TMEM108: variants seen among roughly 807,000 people sequenced by gnomAD.
TMEM108 encodes cancer/testis antigen 124.
TMEM108 carries 12 observed loss-of-function variants against 35.1 expected under a neutral mutation model. That is an observed-to-expected ratio of 0.34 (90% confidence interval 0.22 to 0.55). The LOEUF (loss-of-function observed/expected upper bound fraction) is 0.55. Among genes scored for constraint, TMEM108 ranks in the 20% least tolerant of loss-of-function variants. TMEM108 has a pLI of 0.89. For missense variants in TMEM108, 680 were observed against 753.3 expected (o/e 0.90, Z 1.14); for synonymous variants, 287 against 308.6 (o/e 0.93, Z 0.73).
chr3:133,152,434 C>G (rs1944815833), intron 2 of TMEM108, among the ~76,000 whole-genome samples: 1 of 152,172 alleles, frequency 6.6e-6, no homozygotes, highest in African/African-American at 2.4e-5. Flanking sequence ...AGATGGCACA[C>G]TGCTCTCTGT....
intron 3 of TMEM108, among the ~76,000 whole-genome samples, chr3:133,272,757 A>G (rs760620838): frequency 1.7e-4 from 26 of 152,150 alleles, no homozygotes; most frequent in Admixed American, 2.0e-4. Flanking sequence ...GAAGAAAGAG[A>G]AGATGGGGAA....
rs2072986721 is a variant in TMEM108 at position 133,380,729 on chromosome 3, C to A, written c.1018C>A (p.Pro340Thr). The part of the protein sequence containing the change: ...SHSDSWLTVT[P>T]GTSRPLSTSS... ...TAGTGACTCTTGGCTTACTGTTACC[C>A]CTGGCACCAGCAGACCTCTGTCTAC... Residue 340 changes from proline (P) to threonine (T), a missense_variant, in exon 4 of 6, where the codon CCT becomes ACT. Pro to Thr is a conservative substitution (Grantham distance 38). This residue lies in a region of TMEM108 where 526 missense variants were observed against 532.1 expected (regional missense o/e 0.99). Transcript: ENST00000321871. The surrounding 1 kb of genome is among the most constrained non-coding windows in gnomAD (Gnocchi z 5.3). 1 of 1,614,096 alleles carries A rather than the reference C, an allele frequency of 6.2e-7. No individual in the cohort carries two copies. Among genetic ancestry groups the A allele is most frequent in the Non-Finnish European group, 8.5e-7 (1 of 1,180,014 alleles).
At chr3:133,109,106 A>G (rs1944195195) in intron 2 of TMEM108, among the ~76,000 whole-genome samples, 1 of 152,018 alleles carries the variant, frequency 6.6e-6, no homozygotes, top group Non-Finnish European at 1.5e-5. Flanking sequence ...TCATTGGTAG[A>G]ATGATACGGT....
At chr3:133,282,272 T>C (rs1946925748) in intron 3 of TMEM108, among the ~76,000 whole-genome samples, 1 of 152,256 alleles carries the variant, frequency 6.6e-6, no homozygotes, top group African/African-American at 2.4e-5. Flanking sequence ...AAACGTACTT[T>C]TGCTGCTTTT....
intron 2 of TMEM108, among the ~76,000 whole-genome samples, chr3:133,096,301 G>T (rs1944013989): frequency 6.6e-6 from 1 of 152,138 alleles, no homozygotes; most frequent in African/African-American, 2.4e-5. Context: ...TAGGACTACA[G>T]GCATGCACGA....
At chr3:133,143,758 G>A (rs142575348) in intron 2 of TMEM108, among the ~76,000 whole-genome samples, 40 of 152,048 alleles carry the variant, frequency 2.6e-4, no homozygotes, top group Non-Finnish European at 4.7e-4. Context: ...GGTTTCCTTC[G>A]TACACAAAGA....
intron 3 of TMEM108, among the ~76,000 whole-genome samples, chr3:133,314,071 C>G (rs983372905): frequency 1.3e-5 from 2 of 152,066 alleles, no homozygotes; most frequent in African/African-American, 4.8e-5. Context: ...TGATTTGATT[C>G]CTGCCATGCT....
chr3:133,065,826 C>A lies in TMEM108; in HGVS notation c.-47+19806C>A, dbSNP rs545036649. Reference sequence around the variant, plus strand: ...TTTCAAGGCTTAAAATGGGTGGGACCGCACATCTGAATTTTTCAGTATAAT... The same window carrying A: ...TTTCAAGGCTTAAAATGGGTGGGACAGCACATCTGAATTTTTCAGTATAAT... On this transcript the variant is annotated intron_variant, in intron 2 of 5. Coordinates refer to ENST00000321871, the MANE Select transcript of TMEM108 (RefSeq NM_023943.4). Among the ~76,000 whole-genome samples the A allele has an allele frequency of 2.0e-5, 3 of 152,210 alleles. No individual in the cohort carries two copies. The East Asian group carries it at 5.8e-4, about 29-fold the overall frequency.
chr3:133,081,489 A>G (rs760105942), intron 2 of TMEM108, among the ~76,000 whole-genome samples: 1 of 152,224 alleles, frequency 6.6e-6, no homozygotes, highest in Admixed American at 6.5e-5. Flanking sequence ...GGGCTTCAAC[A>G]TATGAATTTG....
chr3:133,077,562 G>A (rs6780322), intron 2 of TMEM108, among the ~76,000 whole-genome samples: 74,006 of 151,984 alleles, frequency 0.49, 18,612 homozygotes, highest in African/African-American at 0.61. Flanking sequence ...TCCTGAGCAA[G>A]AACAAAGGCT....
chr3:133,267,673 T>C (rs1170946963), intron 3 of TMEM108, among the ~76,000 whole-genome samples: 1 of 147,304 alleles, frequency 6.8e-6, no homozygotes, highest in Non-Finnish European at 1.5e-5. Flanking sequence ...ATGGTTGTGG[T>C]CAAGGGGTCA....
chr3:133,283,697 A>G (rs915519488), intron 3 of TMEM108, among the ~76,000 whole-genome samples: 4 of 152,226 alleles, frequency 2.6e-5, no homozygotes, highest in East Asian at 3.8e-4. Context: ...ACCTTCAGCA[A>G]TTATAGTACT....
At chr3:133,144,507 C>T (rs527310434) in intron 2 of TMEM108, among the ~76,000 whole-genome samples, 1 of 152,278 alleles carries the variant, frequency 6.6e-6, no homozygotes, top group African/African-American at 2.4e-5. Flanking sequence ...ATTACTGGGT[C>T]AAGTGGTATT....
chr3:133,317,191 A>G (rs1559902668), intron 3 of TMEM108, among the ~76,000 whole-genome samples: 3 of 152,178 alleles, frequency 2.0e-5, no homozygotes, highest in Non-Finnish European at 4.4e-5. Flanking sequence ...ATCTAATTCA[A>G]TGATACGGAC....
At chr3:133,295,754 A>G (rs1166629176) in intron 3 of TMEM108, among the ~76,000 whole-genome samples, 3 of 152,206 alleles carry the variant, frequency 2.0e-5, no homozygotes, top group African/African-American at 4.8e-5. Context: ...ACTTGGTTAC[A>G]TTACTTTGCC....
chr3:133,381,500 G>T (rs2073012252), intron 4 of TMEM108, among the ~76,000 whole-genome samples: 1 of 152,190 alleles, frequency 6.6e-6, no homozygotes, highest in African/African-American at 2.4e-5. Flanking sequence ...AGGCAGGGCT[G>T]GGCTGAGAGC....
At chr3:133,174,704 A>G (rs1006533466) in intron 2 of TMEM108, among the ~76,000 whole-genome samples, 3 of 152,214 alleles carry the variant, frequency 2.0e-5, no homozygotes, top group Admixed American at 2.0e-4. Context: ...GACCAAAGGT[A>G]GATAAAACCA....
chr3:133,265,034 A>G (rs559459625), intron 3 of TMEM108, among the ~76,000 whole-genome samples: 5 of 152,208 alleles, frequency 3.3e-5, no homozygotes, highest in Admixed American at 1.3e-4. Flanking sequence ...AGCACTCACC[A>G]CAGTCATCTC....
chr3:133,386,414 C>T lies in TMEM108; in HGVS notation c.1451-3766C>T, dbSNP rs568099588. ...CCTGCAGGGTTTCATTTCCATTTCTCATCACACAGCAGATCCTATCACCTG... is the reference window on the plus strand; with the variant it reads ...CCTGCAGGGTTTCATTTCCATTTCTTATCACACAGCAGATCCTATCACCTG... On this transcript the variant is annotated intron_variant, in intron 4 of 5. Transcript: ENST00000321871. 2.7e-5 allele frequency: 42 copies of T among 1,536,144 alleles called. No homozygotes were observed. In the East Asian group the frequency reaches 9.5e-4, roughly 35 times the overall value.
Sources: gnomAD v4.1 joint callset for allele counts (sites outside exome capture counted in the v4.1 genomes callset) on GRCh38, gnomAD v4.1.1 for gene constraint, gnomAD v4.1.1 regional missense constraint, Gnocchi (gnomAD v3.1) non-coding constraint, MANE v1.5 for transcripts, NCBI Gene and HGNC (gene_info 2026-07-23, HGNC 2026-07-21) for gene names.